ATP6AP1: variants seen among roughly 807,000 people sequenced by gnomAD.
ATP6AP1 encodes the protein ATPase H+ transporting accessory protein 1, also known as V-type proton ATPase subunit S1.
In ATP6AP1, 1 loss-of-function variant was observed where a neutral mutation model predicts 32.0. The observed-to-expected ratio is 0.03, with a 90% CI of 0.01 to 0.15. ATP6AP1 has a LOEUF of 0.15. Ranked by LOEUF, ATP6AP1 falls within the 10% of genes least tolerant of loss-of-function variation. The pLI is 1.00. For missense variants in ATP6AP1, 297 were observed against 398.8 expected (o/e 0.74, Z 2.17); for synonymous variants, 187 against 174.9 (o/e 1.07, Z -0.55).
chrX:154,430,975 A>G (rs1219159474), intron 2 of ATP6AP1: 1 of 111,223 alleles, frequency 9.0e-6, no homozygotes, highest in African/African-American at 3.3e-5. Flanking sequence ...GGGGAAGGTC[A>G]GTTGCAGTTC....
In ATP6AP1 at chrX:154,432,017, G is replaced by A. The variant is rs188599778; in HGVS notation, c.363+113G>A. ...GGTTACTTGGGTCTGAGTCTCTTCTGGGTCAACCATCCCCCCCAAAAACAA... is the reference window on the plus strand; with the variant it reads ...GGTTACTTGGGTCTGAGTCTCTTCTAGGTCAACCATCCCCCCCAAAAACAA... On this transcript the variant is annotated intron_variant, in intron 3 of 9. Transcript: ENST00000369762. The A allele has an allele frequency of 8.7e-3, 7,251 of 836,143 alleles. 33 individuals carry two copies. The highest frequency in any genetic ancestry group is 0.011 in the Non-Finnish European group (6,152 of 581,682). 68.9% of individuals were successfully genotyped at this position (836,143 alleles called of 1,213,427 possible). A position where few individuals can be genotyped will look rare whatever the true frequency, so the allele number is the denominator to read the frequency against.
rs1472748006 is a variant in ATP6AP1 at position 154,432,920 on chromosome X, G to A, written c.558-11G>A. 3 of 1,211,786 alleles carry A rather than the reference G, an allele frequency of 2.5e-6. No individual in the cohort carries two copies. The highest frequency in any genetic ancestry group is 3.5e-5 in the South Asian group (2 of 57,010). Reference sequence around the variant, plus strand: ...GCCTGAGGACTCTGGCGCTCTGTTTGTCTTCCATAGCTCTGGTCTGATGGC... The same window carrying A: ...GCCTGAGGACTCTGGCGCTCTGTTTATCTTCCATAGCTCTGGTCTGATGGC... On this transcript the variant is annotated splice_polypyrimidine_tract_variant and intron_variant, in intron 4 of 9. Coordinates refer to ENST00000369762, the MANE Select transcript of ATP6AP1 (RefSeq NM_001183.6).
Position 154,432,375 on chromosome X carries a change from A to G in ATP6AP1, c.473A>G (p.His158Arg), listed in dbSNP as rs1201151700. The G allele has an allele frequency of 4.1e-6, 5 of 1,210,235 alleles. No individual in the cohort carries two copies. In the African/African-American group the frequency reaches 5.2e-5, roughly 13 times the overall value. Reference sequence around the variant, plus strand: ...GAGAAGCTCGGGGCCAGCCCCTTGCATGTGGACCTGGCCACCCTGCGGGAG... The same window carrying G: ...GAGAAGCTCGGGGCCAGCCCCTTGCGTGTGGACCTGGCCACCCTGCGGGAG... ...LQEKLGASPL[H>R]VDLATLRELK... Residue 158 changes from histidine to arginine, a missense_variant, in exon 4 of 10, where the codon CAT becomes CGT. By Grantham distance (29) the His-to-Arg change is conservative (BLOSUM62 0). Transcript: ENST00000369762.
Sources: allele counts gnomAD v4.1 joint callset, GRCh38; gene constraint gnomAD v4.1.1; transcripts MANE v1.5; gene names NCBI Gene and HGNC (gene_info 2026-07-23, HGNC 2026-07-21).